KCTD16: variants seen among roughly 807,000 people sequenced by gnomAD.
KCTD16 encodes BTB/POZ domain-containing protein KCTD16.
In KCTD16, 13 loss-of-function variants were observed where a neutral mutation model predicts 33.2. The ratio of observed to expected loss-of-function variants is 0.39; its 90% CI spans 0.25 to 0.62. The LOEUF is 0.62. KCTD16 is among the 20% of genes least tolerant of loss of function. The pLI, the probability that KCTD16 is intolerant of heterozygous loss-of-function variation, is 0.50. For synonymous variants in KCTD16, 197 were observed against 195.3 expected (o/e 1.01, Z -0.07); for missense variants, 441 against 525.1 (o/e 0.84, Z 1.57).
At chr5:144,421,363 G>A (rs879722003) in intron 3 of KCTD16, among the ~76,000 whole-genome samples, 2 of 152,050 alleles carry the variant, frequency 1.3e-5, no homozygotes, top group Non-Finnish European at 2.9e-5. Context: ...TTTGTAGTTG[G>A]GCCATGTGTA....
intron 3 of KCTD16, among the ~76,000 whole-genome samples, chr5:144,392,127 T>C (rs1201085042): frequency 6.6e-6 from 1 of 152,046 alleles, no homozygotes; most frequent in Non-Finnish European, 1.5e-5. Flanking sequence ...AAACAAACGG[T>C]GTGGGAGAGA....
At position 144,287,886 on chromosome 5, in the gene KCTD16, G is replaced by A. The variant is rs143492632; in HGVS notation, c.832+80340G>A. ...CCTGACCTCGTGATCCCCCTGCCTC[G>A]GCCTCTCAAAGTGTTGGGATTACAG... On this transcript the variant is annotated intron_variant, in intron 3 of 3. Transcript: ENST00000512467. 7.9e-3 allele frequency among the ~76,000 whole-genome samples: 1,198 copies of A among 152,088 alleles called. 13 individuals are homozygous for A. The highest frequency in any genetic ancestry group is 0.027 in the African/African-American group (1,118 of 41,466).
At chr5:144,254,584 G>A (rs1351729072) in intron 3 of KCTD16, among the ~76,000 whole-genome samples, 2 of 152,086 alleles carry the variant, frequency 1.3e-5, no homozygotes, top group African/African-American at 4.8e-5. Context: ...GTTGTTGACT[G>A]TAAGTATAAT....
At chr5:144,423,299 G>A (rs978243823) in intron 3 of KCTD16, among the ~76,000 whole-genome samples, 1 of 152,128 alleles carries the variant, frequency 6.6e-6, no homozygotes, top group African/African-American at 2.4e-5. Flanking sequence ...CAGCTTTTAA[G>A]CAAGGGAGTG....
At chr5:144,341,265 C>A (rs926076658) in intron 3 of KCTD16, among the ~76,000 whole-genome samples, 2 of 152,172 alleles carry the variant, frequency 1.3e-5, no homozygotes, top group African/African-American at 2.4e-5. Flanking sequence ...CAGGAGCAGG[C>A]AGCACCCTTT....
chr5:144,281,283 T>A (rs1301754292), intron 3 of KCTD16, among the ~76,000 whole-genome samples: 1 of 152,242 alleles, frequency 6.6e-6, no homozygotes, highest in Non-Finnish European at 1.5e-5. Context: ...GGTAGAAACT[T>A]CAGTTATAGA....
intron 3 of KCTD16, among the ~76,000 whole-genome samples, chr5:144,404,450 T>C (rs1050043688): frequency 6.6e-6 from 1 of 152,212 alleles, no homozygotes; most frequent in Non-Finnish European, 1.5e-5. Flanking sequence ...TTGAGAAAGA[T>C]GTATATGACT....
At chr5:144,213,203 T>C (rs1753451369) in intron 3 of KCTD16, among the ~76,000 whole-genome samples, 1 of 147,192 alleles carries the variant, frequency 6.8e-6, no homozygotes, top group Admixed American at 6.6e-5. Flanking sequence ...ATCTACATAT[T>C]ATATTATATT....
At chr5:144,328,390 A>G (rs1357988108) in intron 3 of KCTD16, among the ~76,000 whole-genome samples, 1 of 152,184 alleles carries the variant, frequency 6.6e-6, no homozygotes, top group East Asian at 1.9e-4. Context: ...AAGAGATCTT[A>G]CCAGAATCAA....
intron 3 of KCTD16, among the ~76,000 whole-genome samples, chr5:144,336,120 CT>C (rs1752485734): frequency 6.6e-6 from 1 of 152,182 alleles, no homozygotes; most frequent in Non-Finnish European, 1.5e-5. Context: ...GGCAGACAGG[CT>C]GTCTTGTGCA....
chr5:144,393,793 G>C (rs776135120), intron 3 of KCTD16, among the ~76,000 whole-genome samples: 1 of 152,032 alleles, frequency 6.6e-6, no homozygotes, highest in Non-Finnish European at 1.5e-5. Context: ...ACTTTATTTT[G>C]TTAGGAGAGG....
intron 3 of KCTD16, among the ~76,000 whole-genome samples, chr5:144,422,825 GTAGA>G (rs780738186): frequency 2.0e-5 from 3 of 152,104 alleles, no homozygotes; most frequent in Non-Finnish European, 4.4e-5. Context: ...AGTGAAAACA[GTAGA>G]TCACAAAAAT....
intron 3 of KCTD16, among the ~76,000 whole-genome samples, chr5:144,230,373 A>G (rs1171975198): frequency 6.6e-6 from 1 of 152,208 alleles, no homozygotes. Context: ...GATATTGGTG[A>G]TAAGAACCAT....
At chr5:144,434,581 A>G (rs922521138) in intron 3 of KCTD16, among the ~76,000 whole-genome samples, 2 of 152,120 alleles carry the variant, frequency 1.3e-5, no homozygotes, top group African/African-American at 2.4e-5. Context: ...TTTTCAGGTA[A>G]TGTTATACAT....
chr5:144,416,487 T>A (rs1753057274), intron 3 of KCTD16, among the ~76,000 whole-genome samples: 1 of 152,162 alleles, frequency 6.6e-6, no homozygotes, highest in South Asian at 2.1e-4. Flanking sequence ...TTTGAAGAAC[T>A]AAGATGTGTT....
intron 3 of KCTD16, among the ~76,000 whole-genome samples, chr5:144,419,193 AAATGCTCCCAC>A: frequency 6.6e-6 from 1 of 152,188 alleles, no homozygotes; most frequent in African/African-American, 2.4e-5. Context: ...ATTTTGGAGA[AAATGCTCCCAC>A]ACTATTGTAA....
chr5:144,210,677 A>G (rs942156762), intron 3 of KCTD16, among the ~76,000 whole-genome samples: 3 of 152,156 alleles, frequency 2.0e-5, no homozygotes, highest in South Asian at 2.1e-4. Context: ...ATACTCAATA[A>G]CAATTCACAT....
At chr5:144,214,119 T>C (rs1378886378) in intron 3 of KCTD16, among the ~76,000 whole-genome samples, 2 of 152,178 alleles carry the variant, frequency 1.3e-5, no homozygotes, top group African/African-American at 4.8e-5. Flanking sequence ...AGTCACTTAG[T>C]TGCCCAAGGA....
chr5:144,174,123 A>G (rs149644828), intron 1 of KCTD16, among the ~76,000 whole-genome samples, 184 bp from the exon 2 acceptor site: 15 of 152,254 alleles, frequency 9.9e-5, no homozygotes, highest in African/African-American at 2.6e-4. Context: ...TGTATCCATC[A>G]CCAAAACAAA....
Sources: allele counts gnomAD v4.1 joint callset (sites outside exome capture counted in the v4.1 genomes callset), GRCh38; gene constraint gnomAD v4.1.1; transcripts MANE v1.5; gene names NCBI Gene and HGNC (gene_info 2026-07-23, HGNC 2026-07-21).